The following CFAP44 variants were observed in gnomAD, a reference collection of about 807,000 sequenced individuals.
CFAP44 encodes the protein cilia- and flagella-associated protein 44.
CFAP44 carries 134 observed loss-of-function variants against 216.2 expected under a neutral mutation model. The observed-to-expected ratio is 0.62, with a 90% CI of 0.54 to 0.72. The LOEUF is 0.72. CFAP44 is among the 30% of genes least tolerant of loss of function. The pLI is 0.00. For synonymous variants in CFAP44, 700 were observed against 727.6 expected (o/e 0.96, Z 0.61); for missense variants, 2,035 against 2,182.1 (o/e 0.93, Z 1.34).
intron 32 of CFAP44, among the ~76,000 whole-genome samples, chr3:113,299,470 G>A (rs1949914094): frequency 6.6e-6 from 1 of 152,188 alleles, no homozygotes; most frequent in Non-Finnish European, 1.5e-5. Context: ...TGGTGGGAAT[G>A]TAAATTAGTG....
chr3:113,390,348 A>G (rs914042049), intron 15 of CFAP44, among the ~76,000 whole-genome samples: 1 of 152,162 alleles, frequency 6.6e-6, no homozygotes, highest in Non-Finnish European at 1.5e-5. Flanking sequence ...AATATACCTC[A>G]ACACAATAAA....
chr3:113,357,869 T>C (rs759123329), intron 22 of CFAP44, among the ~76,000 whole-genome samples: 1 of 152,144 alleles, frequency 6.6e-6, no homozygotes, highest in Non-Finnish European at 1.5e-5. Context: ...TAAGCACTTA[T>C]ATCCATCAAA....
At chr3:113,410,875 G>C (rs1243699038) in intron 6 of CFAP44, among the ~76,000 whole-genome samples, 1 of 152,130 alleles carries the variant, frequency 6.6e-6, no homozygotes, top group Non-Finnish European at 1.5e-5. Flanking sequence ...TTGTGGTTTT[G>C]ATTTGCATTT....
In CFAP44 at chr3:113,396,609, G is replaced by A; in HGVS notation, c.1688C>T (p.Ala563Val). Residue 563 changes from alanine to valine, a missense_variant, in exon 14 of 35, where the codon GCT (alanine) becomes GTT (valine). Transcript: ENST00000393845. ...GAAAACCTGTTTCAACTGAATATCA[G>A]CATCCAAAATTTTCTTCCGTCCCGC... is the stretch of plus-strand genomic sequence containing the variant. The part of the protein sequence containing the change: ...IFAGRKKILD[A>V]DIQLKQVFKP... The A allele has an allele frequency of 6.2e-7, 1 of 1,614,096 alleles. No individual in the cohort carries two copies. Among genetic ancestry groups the A allele is most frequent in the Non-Finnish European group, 8.5e-7 (1 of 1,180,010 alleles).
chr3:113,378,385 T>C (rs1445748424), intron 17 of CFAP44, among the ~76,000 whole-genome samples: 1 of 152,156 alleles, frequency 6.6e-6, no homozygotes, highest in South Asian at 2.1e-4. Context: ...TCCTATGATG[T>C]CTCCAATGCT....
intron 15 of CFAP44, among the ~76,000 whole-genome samples, chr3:113,386,346 T>C (rs1046085098): frequency 3.3e-5 from 5 of 152,208 alleles, no homozygotes; most frequent in African/African-American, 4.8e-5. Flanking sequence ...GTTTAATCCA[T>C]ATACATTTAA....
chr3:113,422,841 T>C (rs1298531361), intron 4 of CFAP44, among the ~76,000 whole-genome samples: 1 of 152,160 alleles, frequency 6.6e-6, no homozygotes, highest in Admixed American at 6.5e-5. Flanking sequence ...TTATCTAATA[T>C]TATTATCTTT....
intron 33 of CFAP44, 71 bp downstream of exon 33, chr3:113,296,654 A>G: frequency 1.3e-6 from 2 of 1,494,342 alleles, no homozygotes; most frequent in Non-Finnish European, 1.8e-6. Flanking sequence ...CATGGGTACC[A>G]CTTCCTGCTC....
At chr3:113,382,069 AG>A (rs1489557771) in intron 15 of CFAP44, among the ~76,000 whole-genome samples, 2 of 152,156 alleles carry the variant, frequency 1.3e-5, no homozygotes. Flanking sequence ...CATGTGCAAA[AG>A]TCCTGTGGAA....
intron 15 of CFAP44, among the ~76,000 whole-genome samples, chr3:113,381,988 A>T (rs1322251633): frequency 6.6e-6 from 1 of 152,198 alleles, no homozygotes; most frequent in Non-Finnish European, 1.5e-5. Context: ...TTCAAGGTAA[A>T]AAATGTATAA....
chr3:113,409,026 A>AGT, intron 7 of CFAP44, 80 bp downstream of exon 7: 1 of 859,880 alleles, frequency 1.2e-6, no homozygotes, highest in Non-Finnish European at 1.7e-6. Flanking sequence ...AAAAAAAAAA[A>AGT]AAAGTCTCCA....
chr3:113,330,152 C>A lies in CFAP44; in HGVS notation c.4116+16G>T. The A allele has an allele frequency of 6.7e-7, 1 of 1,487,626 alleles. No homozygotes were observed. The allele number at this position is 1,487,626 out of a possible 1,614,324, so 92.2% of individuals were successfully genotyped here. Reference sequence around the variant, plus strand: ...TCTCTCTTTCAGCTTTAACTAGGAACAGGTTCACCCCTTACCCTGTTGACC... The same window carrying A: ...TCTCTCTTTCAGCTTTAACTAGGAAAAGGTTCACCCCTTACCCTGTTGACC... On this transcript the variant is annotated intron_variant, in intron 26 of 34. Coordinates refer to ENST00000393845, the MANE Select transcript of CFAP44 (RefSeq NM_001164496.2).
At chr3:113,410,286 C>T (rs1934423527) in intron 6 of CFAP44, among the ~76,000 whole-genome samples, 1 of 152,124 alleles carries the variant, frequency 6.6e-6, no homozygotes, top group Non-Finnish European at 1.5e-5. Context: ...TCTCCTAATG[C>T]TATCCCTACC....
At chr3:113,308,090 A>G (rs1950003353) in intron 29 of CFAP44, 68 bp downstream of exon 29, 1 of 1,243,156 alleles carries the variant, frequency 8.0e-7, no homozygotes, top group Non-Finnish European at 1.1e-6. Context: ...GAAACCAAAA[A>G]GGGTCTTCCC....
At position 113,412,084 on chromosome 3, in the gene CFAP44, T is replaced by C. The variant is rs187884332; in HGVS notation, c.674-2762A>G. 1.9e-3 allele frequency among the ~76,000 whole-genome samples: 289 copies of C among 152,286 alleles called. 2 individuals carry two copies. The highest frequency in any genetic ancestry group is 5.7e-3 in the African/African-American group (236 of 41,558). On this transcript the variant is annotated intron_variant, in intron 6 of 34. Transcript: ENST00000393845. Reference sequence around the variant, plus strand: ...ATTGAATGGGCAAAAACTGGAAGCATTCCCTTTGAAAACTGGCACAAGACA... The same window carrying C: ...ATTGAATGGGCAAAAACTGGAAGCACTCCCTTTGAAAACTGGCACAAGACA...
chr3:113,326,260 C>T (rs1033807458), intron 28 of CFAP44, among the ~76,000 whole-genome samples, 185 bp downstream of exon 28: 1 of 152,178 alleles, frequency 6.6e-6, no homozygotes, highest in African/African-American at 2.4e-5. Context: ...CAAACATGCA[C>T]ACAGATTAAC....
chr3:113,338,629 G>GT (rs1950303138), intron 24 of CFAP44, among the ~76,000 whole-genome samples: 2 of 152,118 alleles, frequency 1.3e-5, no homozygotes, highest in Admixed American at 1.3e-4. Context: ...TGATTGAAAA[G>GT]TAACATAACA....
intron 32 of CFAP44, among the ~76,000 whole-genome samples, chr3:113,298,048 A>G (rs1949898820): frequency 6.6e-6 from 1 of 152,224 alleles, no homozygotes; most frequent in Non-Finnish European, 1.5e-5. Context: ...TGAATAGATG[A>G]TGTGCACGTG....
intron 18 of CFAP44, 30 bp from the exon 19 acceptor site, chr3:113,366,339 C>T (rs1576572812): frequency 6.3e-7 from 1 of 1,577,730 alleles, no homozygotes; most frequent in South Asian, 1.2e-5. Context: ...AATTGTTCTT[C>T]CCATTAATCT....
Sources: allele counts gnomAD v4.1 joint callset (sites outside exome capture counted in the v4.1 genomes callset), GRCh38; gene constraint gnomAD v4.1.1; transcripts MANE v1.5; gene names NCBI Gene and HGNC (gene_info 2026-07-23, HGNC 2026-07-21).